The following LAMA3 variants were observed in gnomAD, a reference collection of about 807,000 sequenced individuals.
LAMA3 encodes the protein laminin subunit alpha 3, also known as laminin subunit alpha-3.
In LAMA3, 281 loss-of-function variants were observed where a neutral mutation model predicts 402.0. The ratio of observed to expected loss-of-function variants is 0.70; its 90% CI spans 0.63 to 0.77. The LOEUF (loss-of-function observed/expected upper bound fraction) is 0.77. Ranked by LOEUF, LAMA3 falls within the 30% of genes least tolerant of loss-of-function variation. The probability of loss-of-function intolerance (pLI) is 0.00; values close to 1 mark genes in which losing one functional copy is unlikely to be tolerated. For missense variants in LAMA3, 3,840 were observed against 4,215.5 expected (o/e 0.91, Z 2.47); for synonymous variants, 1,431 against 1,558.4 (o/e 0.92, Z 1.93).
chr18:23,779,012 GA>G (rs1183220389), intron 11 of LAMA3, among the ~76,000 whole-genome samples: 25 of 152,204 alleles, frequency 1.6e-4, no homozygotes, highest in Non-Finnish European at 2.9e-5. Context: ...GTATAGGAAA[GA>G]GCAAGTGCAA....
chr18:23,895,339 G>T (rs1048754341), intron 44 of LAMA3, among the ~76,000 whole-genome samples: 20 of 152,130 alleles, frequency 1.3e-4, no homozygotes, highest in African/African-American at 4.6e-4. Context: ...TCAAACACAG[G>T]TTTGTGTTAA....
intron 68 of LAMA3, among the ~76,000 whole-genome samples, chr18:23,940,491 A>C (rs1237432307): frequency 6.6e-6 from 1 of 152,188 alleles, no homozygotes; most frequent in Non-Finnish European, 1.5e-5. Context: ...TCTAAGCCTA[A>C]GCTGTCCCTC....
chr18:23,876,533 T>C, intron 39 of LAMA3, 126 bp downstream of exon 39: 2 of 663,010 alleles, frequency 3.0e-6, no homozygotes, highest in South Asian at 3.4e-5. Context: ...GCTGTGTAAA[T>C]ATATGAGGCT....
intron 23 of LAMA3, among the ~76,000 whole-genome samples, chr18:23,828,633 G>A (rs979717494): frequency 1.3e-5 from 2 of 152,238 alleles, no homozygotes; most frequent in Middle Eastern, 3.4e-3. Flanking sequence ...AGGTACCGTT[G>A]AGAAGGGGCA....
Position 23,907,530 on chromosome 18 carries a change from G to C in LAMA3, c.6719-20G>C. 6.5e-7 allele frequency: 1 copy of C among 1,546,746 alleles called. No individual in the cohort carries two copies. ...AAAATGCACAAAGTAATTGCCTCCT[G>C]ATGCTTTATTTTATTTTAGAAGTCA... On this transcript the variant is annotated intron_variant, in intron 52 of 74. Transcript: ENST00000313654.
At chr18:23,854,648 T>A (rs1008022850) in intron 32 of LAMA3, among the ~76,000 whole-genome samples, 72 of 136,916 alleles carry the variant, frequency 5.3e-4, no homozygotes, top group African/African-American at 1.9e-3. Flanking sequence ...CTCAAAAAAA[T>A]AAATAAATAA....
At chr18:23,782,623 T>A (rs188768349) in intron 11 of LAMA3, among the ~76,000 whole-genome samples, 18 of 152,268 alleles carry the variant, frequency 1.2e-4, no homozygotes, top group African/African-American at 4.1e-4. Context: ...TTTGAATATA[T>A]ATGCTAATCC....
intron 12 of LAMA3, among the ~76,000 whole-genome samples, chr18:23,790,779 C>G (rs1043600189): frequency 6.6e-6 from 1 of 152,164 alleles, no homozygotes; most frequent in African/African-American, 2.4e-5. Flanking sequence ...CTTCCCAACC[C>G]TGTTTGAAGG....
chr18:23,948,497 A>C (rs1168934458), intron 70 of LAMA3, among the ~76,000 whole-genome samples: 2 of 152,186 alleles, frequency 1.3e-5, no homozygotes, highest in African/African-American at 4.8e-5. Context: ...TAAAAGTTTC[A>C]TAGGGAATCC....
chr18:23,835,744 G>C lies in LAMA3; in HGVS notation c.2985-1237G>C, dbSNP rs1375588853. On this transcript the variant is annotated intron_variant, in intron 24 of 74. Coordinates refer to ENST00000313654, the MANE Select transcript of LAMA3 (RefSeq NM_198129.4). ...GAGTCCAAAAAATATGGCGCAACTG[G>C]AAAATATTTGACCCATGAAAACCTA... Among the ~76,000 whole-genome samples the C allele has an allele frequency of 2.6e-5, 4 of 152,114 alleles. No homozygotes were observed. The East Asian group carries it at 7.7e-4, about 29-fold the overall frequency.
intron 2 of LAMA3, among the ~76,000 whole-genome samples, chr18:23,716,163 A>ATT (rs36010076): frequency 1.4e-5 from 2 of 146,248 alleles, no homozygotes; most frequent in Non-Finnish European, 3.0e-5. Context: ...TACCATATCG[A>ATT]TTTTTTTTTT....
chr18:23,815,185 C>T lies in LAMA3; in HGVS notation c.1889-3C>T. On this transcript the variant is annotated splice_region_variant and splice_polypyrimidine_tract_variant and intron_variant, in intron 15 of 74. Transcript: ENST00000313654. ...GTTCAAGGATGCTCTCTTATCTCCA[C>T]AGAATGCAAGTGCCATAAGGCGGGA... 1.2e-6 allele frequency: 2 copies of T among 1,613,926 alleles called. No homozygotes were observed. Among genetic ancestry groups the T allele is most frequent in the Non-Finnish European group, 8.5e-7 (1 of 1,179,806 alleles).
chr18:23,752,551 C>G (rs958810181), intron 5 of LAMA3, among the ~76,000 whole-genome samples: 1 of 152,110 alleles, frequency 6.6e-6, no homozygotes, highest in Admixed American at 6.5e-5. Flanking sequence ...TGAAGGCTGA[C>G]TGGGGGCTTC....
At chr18:23,780,863 A>T (rs532957625) in intron 11 of LAMA3, among the ~76,000 whole-genome samples, 1 of 152,314 alleles carries the variant, frequency 6.6e-6, no homozygotes, top group South Asian at 2.1e-4. Context: ...CTGTCAAGGG[A>T]TTTAAAACTG....
chr18:23,894,465 TGGAAGGAC>T (rs1236721727), intron 43 of LAMA3, 117 bp downstream of exon 43: 20 of 895,056 alleles, frequency 2.2e-5, no homozygotes, highest in Non-Finnish European at 1.3e-5. Flanking sequence ...TGGGAGGAGG[TGGAAGGAC>T]TACTTAGGGT....
At position 23,751,030 on chromosome 18, in the gene LAMA3, A is replaced by G. The variant is rs745495641; in HGVS notation, c.797A>G (p.Asn266Ser). The G allele has an allele frequency of 8.1e-6, 13 of 1,614,032 alleles. No individual in the cohort carries two copies. Among genetic ancestry groups the G allele is most frequent in the African/African-American group, 2.7e-5 (2 of 74,912 alleles). ...TNIRLRFLRT[N>S]TLLGHLISKA... Reference sequence around the variant, plus strand: ...ATCCGCTTGCGTTTTCTTAGAACCAATACGCTTCTTGGACACCTCATCTCC... The same window carrying G: ...ATCCGCTTGCGTTTTCTTAGAACCAGTACGCTTCTTGGACACCTCATCTCC... The change falls in exon 5 of 75, where the codon AAT (asparagine) becomes AGT (serine). Residue 266 changes from asparagine to serine, a missense_variant. Asn to Ser is a conservative substitution (Grantham distance 46). Coordinates refer to ENST00000313654, the MANE Select transcript of LAMA3 (RefSeq NM_198129.4).
chr18:23,728,477 T>G (rs1156999304), intron 2 of LAMA3, among the ~76,000 whole-genome samples: 1 of 152,124 alleles, frequency 6.6e-6, no homozygotes. Flanking sequence ...ATCTGTTCCC[T>G]CTCCTTCCCC....
rs146633690 is a variant in LAMA3 at position 23,879,032 on chromosome 18, C to G, written c.5112+2625C>G. 2.6e-5 allele frequency among the ~76,000 whole-genome samples: 4 copies of G among 151,800 alleles called. No homozygotes were observed. Among genetic ancestry groups the G allele is most frequent in the African/African-American group, 9.7e-5 (4 of 41,280 alleles). ...TATCCCCGTCACCCCTTATTTTCCT[C>G]TCCGTTCCTATTTCCCTCCCCTTTT... On this transcript the variant is annotated intron_variant, in intron 39 of 74. Transcript: ENST00000313654. The surrounding 1 kb of genome is among the most constrained non-coding windows in gnomAD (Gnocchi z 4.2).
At chr18:23,744,042 C>A (rs1469119444) in intron 2 of LAMA3, among the ~76,000 whole-genome samples, 4 of 152,180 alleles carry the variant, frequency 2.6e-5, no homozygotes, top group African/African-American at 9.7e-5. Context: ...AGTGATTCAA[C>A]AAGCATATAA....
Sources: allele counts gnomAD v4.1 joint callset (sites outside exome capture counted in the v4.1 genomes callset), GRCh38; gene constraint gnomAD v4.1.1; non-coding constraint Gnocchi (gnomAD v3.1); transcripts MANE v1.5; gene names NCBI Gene and HGNC (gene_info 2026-07-23, HGNC 2026-07-21).